The following SLC4A7 variants were observed in gnomAD, a reference collection of about 807,000 sequenced individuals.
The protein encoded by SLC4A7 is sodium bicarbonate cotransporter 3.
Under a neutral mutation model 137.6 loss-of-function variants are expected in SLC4A7, and 51 were observed. That is an observed-to-expected ratio of 0.37 (90% CI 0.30 to 0.47). The LOEUF (loss-of-function observed/expected upper bound fraction) is 0.47. SLC4A7 is among the 20% of genes least tolerant of loss of function. The pLI, the probability that SLC4A7 is intolerant of heterozygous loss-of-function variation, is 1.00. For missense variants in SLC4A7, 1,247 were observed against 1,525.4 expected, an observed-to-expected ratio of 0.82 and a Z score of 3.04; for synonymous variants, 542 against 518.6, an observed-to-expected ratio of 1.05 and a Z score of -0.61.
chr3:27,472,091 A>C (rs1025357442), intron 1 of SLC4A7, among the ~76,000 whole-genome samples: 1 of 152,192 alleles, frequency 6.6e-6, no homozygotes, highest in Non-Finnish European at 1.5e-5. Context: ...TCCCTCTTCA[A>C]AGCTCACAAC....
chr3:27,436,270 T>C, intron 5 of SLC4A7, 118 bp downstream of exon 5: 1 of 649,746 alleles, frequency 1.5e-6, no homozygotes, highest in South Asian at 3.6e-5. Context: ...AGACAAAAAT[T>C]CTATCTTATT....
intron 22 of SLC4A7, among the ~76,000 whole-genome samples, chr3:27,388,615 A>G (rs2051215361): frequency 6.6e-6 from 1 of 152,180 alleles, no homozygotes; most frequent in Admixed American, 6.5e-5. Context: ...GTCAGAGGTC[A>G]GCAAACCATA....
chr3:27,425,544 A>G (rs2055494848), intron 7 of SLC4A7, among the ~76,000 whole-genome samples: 1 of 144,272 alleles, frequency 6.9e-6, no homozygotes, highest in African/African-American at 2.6e-5. Flanking sequence ...GGCGTGGTGG[A>G]GCATGCCTGT....
intron 1 of SLC4A7, among the ~76,000 whole-genome samples, chr3:27,477,337 G>A (rs995335552): frequency 3.9e-5 from 6 of 152,252 alleles, no homozygotes; most frequent in African/African-American, 1.4e-4. Flanking sequence ...ACAATGCATT[G>A]TATTAGGTCT....
intron 3 of SLC4A7, among the ~76,000 whole-genome samples, chr3:27,439,770 A>C (rs1305768220): frequency 2.0e-5 from 3 of 152,186 alleles, no homozygotes; most frequent in Non-Finnish European, 4.4e-5. Context: ...TATAAAAGTC[A>C]TCAGAGAGGA....
At chr3:27,404,310 T>G (rs908438831) in intron 14 of SLC4A7, among the ~76,000 whole-genome samples, 4 of 152,222 alleles carry the variant, frequency 2.6e-5, no homozygotes, top group Non-Finnish European at 1.5e-5. Flanking sequence ...GAGGTTGCAG[T>G]GAGCCAAGAT....
chr3:27,398,773 A>C (rs1049279193), intron 16 of SLC4A7, among the ~76,000 whole-genome samples: 8 of 152,208 alleles, frequency 5.3e-5, no homozygotes, highest in Admixed American at 3.9e-4. Context: ...TAGAAAATTA[A>C]TACTATGCTC....
chr3:27,457,827 T>G (rs1359697134), intron 1 of SLC4A7, among the ~76,000 whole-genome samples: 1 of 152,174 alleles, frequency 6.6e-6, no homozygotes, highest in Non-Finnish European at 1.5e-5. Context: ...AAAGTCAGGT[T>G]AGCAGATGCA....
chr3:27,388,562 T>C (rs544798394), intron 22 of SLC4A7, among the ~76,000 whole-genome samples: 2 of 152,268 alleles, frequency 1.3e-5, no homozygotes, highest in African/African-American at 4.8e-5. Context: ...AGTGTCAATT[T>C]TGGAAATTTA....
At chr3:27,415,423 T>C (rs1022381921) in intron 11 of SLC4A7, among the ~76,000 whole-genome samples, 1 of 152,194 alleles carries the variant, frequency 6.6e-6, no homozygotes, top group African/African-American at 2.4e-5. Flanking sequence ...AGACCATAAA[T>C]TGGACTGCAT....
In SLC4A7 at chr3:27,397,752, T is replaced by C. The variant is rs2052340932; in HGVS notation, c.2635A>G (p.Ile879Val). 2 of 1,609,922 alleles carry C rather than the reference T, an allele frequency of 1.2e-6. No homozygotes were observed. Among genetic ancestry groups the C allele is most frequent in the Non-Finnish European group, 1.7e-6 (2 of 1,177,602 alleles). Residue 879 changes from isoleucine (I) to valine (V), a missense_variant, in exon 18 of 26, where the codon ATA becomes GTA. By Grantham distance (29) the Ile-to-Val change is conservative. Coordinates refer to ENST00000454389, the MANE Select transcript of SLC4A7 (RefSeq NM_001321103.2). ...ACAAGGTAGTCAATTGTAACCATTA[T>C]TACTATTGTGAGAAATACAGCAAAA... is the stretch of plus-strand genomic sequence containing the variant. ...SDFAVFLTIV[I>V]MVTIDYLVGV...
intron 10 of SLC4A7, 84 bp from the exon 11 acceptor site, chr3:27,418,716 T>C (rs2054633917): frequency 2.6e-6 from 2 of 775,726 alleles, no homozygotes; most frequent in South Asian, 1.8e-5. Flanking sequence ...ATATCATAAA[T>C]AGCTTCACAA....
intron 10 of SLC4A7, among the ~76,000 whole-genome samples, chr3:27,419,952 G>A (rs901112493): frequency 6.6e-6 from 1 of 151,980 alleles, no homozygotes; most frequent in Admixed American, 6.6e-5. Context: ...ACTTTGGGAG[G>A]CCGAGGCGGG....
At chr3:27,453,486 G>A (rs1375865920) in intron 1 of SLC4A7, among the ~76,000 whole-genome samples, 2 of 152,082 alleles carry the variant, frequency 1.3e-5, no homozygotes, top group Non-Finnish European at 2.9e-5. Context: ...GGTGGCACGC[G>A]CCTGTAATCC....
intron 11 of SLC4A7, among the ~76,000 whole-genome samples, chr3:27,413,797 G>C (rs2054129591): frequency 6.6e-6 from 1 of 152,102 alleles, no homozygotes; most frequent in Admixed American, 6.6e-5. Context: ...TGAGAAACAA[G>C]TTTAAAAATG....
At chr3:27,461,948 C>T (rs1246064868) in intron 1 of SLC4A7, among the ~76,000 whole-genome samples, 1 of 151,838 alleles carries the variant, frequency 6.6e-6, no homozygotes, top group East Asian at 1.9e-4. Context: ...GGAAACAGTG[C>T]GATTCCATCT....
At chr3:27,395,235 T>G (rs2052018654) in intron 18 of SLC4A7, 120 bp from the exon 19 acceptor site, 1 of 612,472 alleles carries the variant, frequency 1.6e-6, no homozygotes, top group South Asian at 3.3e-5. Flanking sequence ...ACTTAAATCT[T>G]GAACTACATG....
Position 27,461,440 on chromosome 3 carries a change from T to A in SLC4A7, c.61-8942A>T, listed in dbSNP as rs567549592. ...AAAACAAAACAAACAAACAGATTCA[T>A]TTGAAGGCAGCCAATTACAAGATAA... On this transcript the variant is annotated intron_variant, in intron 1 of 25. Transcript: ENST00000454389. 4.0e-5 allele frequency among the ~76,000 whole-genome samples: 6 copies of A among 151,538 alleles called. No homozygotes were observed. In the South Asian group the frequency reaches 1.3e-3, roughly 32 times the overall value.
chr3:27,423,652 G>A (rs540037487), intron 8 of SLC4A7: 91 of 163,592 alleles, frequency 5.6e-4, no homozygotes, highest in Non-Finnish European at 9.5e-4. Flanking sequence ...AGGAAAGACT[G>A]AATCATTAGT....
Sources: gnomAD v4.1 joint callset for allele counts (sites outside exome capture counted in the v4.1 genomes callset) on GRCh38, gnomAD v4.1.1 for gene constraint, MANE v1.5 for transcripts, NCBI Gene and HGNC (gene_info 2026-07-23, HGNC 2026-07-21) for gene names.